Variants in SSH2 observed in about 807,000 individuals in gnomAD.
SSH2 encodes protein phosphatase Slingshot homolog 2.
Under a neutral mutation model 135.2 loss-of-function variants are expected in SSH2, and 37 were observed. The observed-to-expected ratio is 0.27, with a 90% confidence interval of 0.21 to 0.36. SSH2 has a LOEUF of 0.36. SSH2 is among the 10% of genes least tolerant of loss of function. The pLI is 1.00. For missense variants in SSH2, 1,408 were observed against 1,765.3 expected (o/e 0.80, Z 3.63); for synonymous variants, 628 against 646.2 (o/e 0.97, Z 0.43).
chr17:29,761,671 A>ATT (rs2041312824), intron 3 of SSH2, among the ~76,000 whole-genome samples: 1 of 152,094 alleles, frequency 6.6e-6, no homozygotes, highest in Admixed American at 6.5e-5. Flanking sequence ...CTAAAGGAGG[A>ATT]TGTTTCAACA....
intron 1 of SSH2, among the ~76,000 whole-genome samples, chr17:29,858,826 C>T (rs2065710151): frequency 6.6e-6 from 1 of 152,024 alleles, no homozygotes; most frequent in African/African-American, 2.4e-5. Context: ...GAGCTATGAT[C>T]ACACCACTGC....
intron 14 of SSH2, among the ~76,000 whole-genome samples, chr17:29,637,313 G>A (rs1028390688): frequency 2.0e-5 from 3 of 152,116 alleles, no homozygotes; most frequent in African/African-American, 7.2e-5. Flanking sequence ...TGACCAGGCT[G>A]GTCTTGAACT....
At chr17:29,845,793 C>T (rs1177370824) in intron 2 of SSH2, among the ~76,000 whole-genome samples, 1 of 152,094 alleles carries the variant, frequency 6.6e-6, no homozygotes, top group Non-Finnish European at 1.5e-5. Flanking sequence ...CTCCTGGGCT[C>T]AAGTGATCCT....
intron 1 of SSH2, among the ~76,000 whole-genome samples, chr17:29,902,072 C>A (rs2066568287): frequency 6.6e-6 from 1 of 152,106 alleles, no homozygotes; most frequent in Non-Finnish European, 1.5e-5. Flanking sequence ...CAGGCATAAA[C>A]CACCCTGTCT....
At chr17:29,886,725 C>T (rs193203593) in intron 1 of SSH2, among the ~76,000 whole-genome samples, 14 of 139,678 alleles carry the variant, frequency 1.0e-4, no homozygotes, top group African/African-American at 2.4e-4. Flanking sequence ...CCAGCCTGGG[C>T]GACAGAGAAA....
intron 3 of SSH2, among the ~76,000 whole-genome samples, chr17:29,733,654 T>G (rs928308048): frequency 3.3e-5 from 5 of 152,228 alleles, no homozygotes; most frequent in Non-Finnish European, 7.3e-5. Context: ...CTTAACATAG[T>G]TCATATGCAT....
intron 4 of SSH2, among the ~76,000 whole-genome samples, chr17:29,696,439 G>GTA (rs571898820): frequency 6.9e-5 from 10 of 143,904 alleles, no homozygotes; most frequent in African/African-American, 1.8e-4. Flanking sequence ...ATATGTGTGT[G>GTA]TATATATATA....
chr17:29,869,470 G>A (rs2065905752), intron 1 of SSH2, among the ~76,000 whole-genome samples: 1 of 152,152 alleles, frequency 6.6e-6, no homozygotes, highest in Non-Finnish European at 1.5e-5. Context: ...GTGTCTTTAT[G>A]GAGGCCAAAG....
At chr17:29,924,115 T>G (rs2067023669) in intron 1 of SSH2, among the ~76,000 whole-genome samples, 2 of 152,230 alleles carry the variant, frequency 1.3e-5, no homozygotes. Context: ...CCTACAATAG[T>G]CATTTCTAGA....
chr17:29,779,258 G>A lies in SSH2; in HGVS notation c.188+14636C>T, dbSNP rs576917383. On this transcript the variant is annotated intron_variant, in intron 3 of 15. Transcript: ENST00000540801. The stretch of plus-strand genomic sequence containing the variant: ...ACACATCAGATAAATATAAAATAGT[G>A]TCTGTGAATACATTCTTCAGAAACA... Among the ~76,000 whole-genome samples the A allele has an allele frequency of 1.5e-3, 231 of 152,216 alleles. 1 individual carries two copies. Among genetic ancestry groups the A allele is most frequent in the African/African-American group, 5.3e-3 (220 of 41,542 alleles).
At chr17:29,677,529 C>T (rs1265645536) in intron 7 of SSH2, 144 bp downstream of exon 7, 24 of 704,596 alleles carry the variant, frequency 3.4e-5, no homozygotes, top group Non-Finnish European at 5.6e-5. Context: ...CTTTACAAAA[C>T]AGGAGTTTAA....
chr17:29,837,176 G>T (rs2042956213), intron 2 of SSH2, among the ~76,000 whole-genome samples: 1 of 151,540 alleles, frequency 6.6e-6, no homozygotes, highest in South Asian at 2.1e-4. Context: ...AGAATCACTT[G>T]AACCTGGGAG....
At position 29,631,770 on chromosome 17, in the gene SSH2, C is replaced by G. The variant is rs2035685507; in HGVS notation, c.3424G>C (p.Ala1142Pro). 1 of 1,614,070 alleles carries G rather than the reference C, an allele frequency of 6.2e-7. No individual in the cohort carries two copies. The highest frequency in any genetic ancestry group is 1.1e-5 in the South Asian group (1 of 91,086). Residue 1142 changes from alanine to proline, a missense_variant, in exon 16 of 16, where the codon GCA (alanine) becomes CCA (proline). Transcript: ENST00000540801. Reference sequence around the variant, plus strand: ...TGGGTTGTATGACTGACAAAAGGTGCTGCTGTCTCCAGGGCTGTGGACAGG... The same window carrying G: ...TGGGTTGTATGACTGACAAAAGGTGGTGCTGTCTCCAGGGCTGTGGACAGG... ...SSLSTALETAAPFVSHTTHLL... is the reference protein window; with the variant it reads ...SSLSTALETAPPFVSHTTHLL...
intron 3 of SSH2, among the ~76,000 whole-genome samples, chr17:29,751,932 T>A (rs1044779302): frequency 1.3e-5 from 2 of 152,074 alleles, no homozygotes; most frequent in Non-Finnish European, 2.9e-5. Flanking sequence ...GAAAACGTCA[T>A]GGGAAAGTGG....
Position 29,772,996 on chromosome 17 carries a change from T to C in SSH2, c.188+20898A>G, listed in dbSNP as rs566211274. Among the ~76,000 whole-genome samples, 6 of 151,934 alleles carry C rather than the reference T, an allele frequency of 3.9e-5. No individual in the cohort carries two copies. The South Asian group carries it at 1.0e-3, about 26-fold the overall frequency. On this transcript the variant is annotated intron_variant, in intron 3 of 15. Coordinates refer to ENST00000540801, the MANE Select transcript of SSH2 (RefSeq NM_001282129.2). ...TCATGGGACTTCTCGGCTTCCATAATTGCATGAGCCAATTCCCCATCTGTC... is the reference window on the plus strand; with the variant it reads ...TCATGGGACTTCTCGGCTTCCATAACTGCATGAGCCAATTCCCCATCTGTC...
chr17:29,727,551 C>T lies in SSH2; in HGVS notation c.189-24489G>A, dbSNP rs757588403. Reference sequence around the variant, plus strand: ...GTTAAAGATGAACCACAGGCTATCCCTAGGAAATAACTGGTGGAGTAAGTC... The same window carrying T: ...GTTAAAGATGAACCACAGGCTATCCTTAGGAAATAACTGGTGGAGTAAGTC... On this transcript the variant is annotated intron_variant, in intron 3 of 15. Coordinates refer to ENST00000540801, the MANE Select transcript of SSH2 (RefSeq NM_001282129.2). Among the ~76,000 whole-genome samples the T allele has an allele frequency of 2.0e-5, 3 of 152,126 alleles. 1 individual carries two copies. The highest frequency in any genetic ancestry group is 7.2e-5 in the African/African-American group (3 of 41,418).
chr17:29,911,096 T>A (rs1271828051), intron 1 of SSH2, among the ~76,000 whole-genome samples: 1 of 152,210 alleles, frequency 6.6e-6, no homozygotes, highest in Non-Finnish European at 1.5e-5. Flanking sequence ...GCTACACCTA[T>A]GGTAACAGTA....
chr17:29,704,388 G>A (rs2039114575), intron 3 of SSH2, among the ~76,000 whole-genome samples: 3 of 152,142 alleles, frequency 2.0e-5, no homozygotes, highest in Admixed American at 2.0e-4. Context: ...AATTACTGCT[G>A]AGGATAGTAA....
chr17:29,678,576 T>C (rs911027773), intron 6 of SSH2, among the ~76,000 whole-genome samples: 1 of 152,092 alleles, frequency 6.6e-6, no homozygotes, highest in Admixed American at 6.6e-5. Flanking sequence ...ATAGGCAAAA[T>C]AGACATAACA....
Sources: allele counts gnomAD v4.1 joint callset (sites outside exome capture counted in the v4.1 genomes callset), GRCh38; gene constraint gnomAD v4.1.1; transcripts MANE v1.5; gene names NCBI Gene and HGNC (gene_info 2026-07-23, HGNC 2026-07-21).